The following RETREG3 variants were observed in gnomAD, a reference collection of about 807,000 sequenced individuals.
RETREG3 encodes reticulophagy regulator 3.
Under a neutral mutation model 50.2 loss-of-function variants are expected in RETREG3, and 23 were observed. That is an observed-to-expected ratio of 0.46 (90% CI 0.33 to 0.65). The LOEUF is 0.65. Ranked by LOEUF, RETREG3 falls within the 30% of genes least tolerant of loss-of-function variation. The pLI is 0.02. For synonymous variants in RETREG3, 240 were observed against 234.4 expected, an observed-to-expected ratio of 1.02 and a Z score of -0.22; for missense variants, 546 against 598.0, an observed-to-expected ratio of 0.91 and a Z score of 0.91.
At chr17:42,596,834 T>C (rs762734177) in intron 1 of RETREG3, among the ~76,000 whole-genome samples, 1 of 151,844 alleles carries the variant, frequency 6.6e-6, no homozygotes, top group Non-Finnish European at 1.5e-5. Context: ...CTCTAGTTCT[T>C]TGAGGTGATC....
intron 1 of RETREG3, among the ~76,000 whole-genome samples, chr17:42,602,225 G>A (rs1156500202): frequency 2.0e-5 from 3 of 151,996 alleles, no homozygotes; most frequent in South Asian, 2.1e-4. Context: ...GCTGAGGCAG[G>A]AGAACTGCTT....
At position 42,585,167 on chromosome 17, in the gene RETREG3, T is replaced by G; in HGVS notation, c.685A>C (p.Ser229Arg). ...LKPALQRLDF[S>R]VRGYMMSKQR... ...TTGGACATCATGTAGCCACGGACAC[T>G]GAAGTCTAGCCGCTGCAGAGCTGGC... The change falls in exon 6 of 9, where the codon AGT becomes CGT. Residue 229 changes from serine (S) to arginine (R), a missense_variant. Ser to Arg is a moderately radical substitution (Grantham distance 110, BLOSUM62 -1). Coordinates refer to ENST00000309428, the MANE Select transcript of RETREG3 (RefSeq NM_178126.4). 1 of 1,613,744 alleles carries G rather than the reference T, an allele frequency of 6.2e-7. No homozygotes were observed. Among genetic ancestry groups the G allele is most frequent in the South Asian group, 1.1e-5 (1 of 91,080 alleles).
chr17:42,586,719 T>C lies in RETREG3; in HGVS notation c.504+46A>G, dbSNP rs370805346. On this transcript the variant is annotated intron_variant, in intron 4 of 8. Coordinates refer to ENST00000309428, the MANE Select transcript of RETREG3 (RefSeq NM_178126.4). ...GGAGCTGTTTCAGTTTAGCATGAAC[T>C]GAACTGAGAGGCCAGAGATGAAAGT... is the stretch of plus-strand genomic sequence containing the variant. 2.5e-6 allele frequency: 4 copies of C among 1,602,370 alleles called. No individual in the cohort carries two copies. The South Asian group carries it at 4.5e-5, about 18-fold the overall frequency.
At chr17:42,591,008 C>G (rs561261765) in intron 2 of RETREG3, among the ~76,000 whole-genome samples, 1 of 152,170 alleles carries the variant, frequency 6.6e-6, no homozygotes, top group Admixed American at 6.6e-5. Flanking sequence ...AAACCTAATC[C>G]CAACATACTT....
chr17:42,587,828 C>T lies in RETREG3; in HGVS notation c.377+6G>A, dbSNP rs2093124184. 6.2e-7 allele frequency: 1 copy of T among 1,614,074 alleles called. No individual in the cohort carries two copies. The highest frequency in any genetic ancestry group is 8.5e-7 in the Non-Finnish European group (1 of 1,179,984). The stretch of plus-strand genomic sequence containing the variant: ...AACAAAAAGGGATTTAATTAGTGTT[C>T]CATACCTCTCATTGTCTAATGCGTC... On this transcript the variant is annotated splice_donor_region_variant and intron_variant, in intron 3 of 8. Coordinates refer to ENST00000309428, the MANE Select transcript of RETREG3 (RefSeq NM_178126.4).
Position 42,581,866 on chromosome 17 carries a change from G to A in RETREG3, c.1348C>T (p.Leu450=). 1 of 1,612,364 alleles carries A rather than the reference G, an allele frequency of 6.2e-7. No homozygotes were observed. ...TDAEGDDFEL[L]DQSELSQLDP... is the part of the protein sequence containing the mutation. ...AGCTGACTCAGCTCCGACTGGTCCA[G>A]AAGTTCAAAGTCATCCCCCTCAGCA... The change falls in exon 9 of 9, where the codon CTG becomes TTG. Residue 450 remains leucine, a synonymous_variant. Transcript: ENST00000309428.
chr17:42,587,922 GT>G, intron 2 of RETREG3, 58 bp from the exon 3 acceptor site: 2 of 1,601,074 alleles, frequency 1.2e-6, no homozygotes, highest in South Asian at 1.1e-5. Flanking sequence ...ACATGAAAAT[GT>G]TAGGCTGTTG....
At chr17:42,594,477 C>A (rs2093139692) in intron 1 of RETREG3, among the ~76,000 whole-genome samples, 1 of 151,740 alleles carries the variant, frequency 6.6e-6, no homozygotes, top group African/African-American at 2.4e-5. Flanking sequence ...TCGCCTGAAC[C>A]TGGGAGGTGG....
intron 2 of RETREG3, 83 bp from the exon 3 acceptor site, chr17:42,587,947 A>G: frequency 6.7e-7 from 1 of 1,485,234 alleles, no homozygotes; most frequent in South Asian, 1.1e-5. Flanking sequence ...TGACAGCTCA[A>G]GTTTTAATAG....
At chr17:42,587,026 C>T (rs913172864) in intron 3 of RETREG3, 135 bp from the exon 4 acceptor site, 2 of 1,207,596 alleles carry the variant, frequency 1.7e-6, no homozygotes. Flanking sequence ...GGAGGTGAAG[C>T]ATGACTTTCT....
intron 1 of RETREG3, among the ~76,000 whole-genome samples, chr17:42,605,623 T>C (rs1218919466): frequency 6.6e-6 from 1 of 152,216 alleles, no homozygotes; most frequent in Non-Finnish European, 1.5e-5. Flanking sequence ...TTCTGGGGAC[T>C]TAACAGTATC....
chr17:42,608,876 G>C (rs1394546646), intron 1 of RETREG3: 1 of 575,602 alleles, frequency 1.7e-6, no homozygotes, highest in East Asian at 3.0e-5. Context: ...TGCGGGCACA[G>C]GTAAGGCAGA....
chr17:42,585,010 C>T, intron 6 of RETREG3, 115 bp downstream of exon 6: 1 of 1,327,692 alleles, frequency 7.5e-7, no homozygotes, highest in Non-Finnish European at 1.0e-6. Flanking sequence ...ATCCTCACCC[C>T]CACCAACTAC....
chr17:42,581,735 T>C lies in RETREG3; in HGVS notation c.*78A>G. On this transcript the variant is annotated 3_prime_UTR_variant, in exon 9 of 9. Transcript: ENST00000309428. ...AATTCAGGGGAGGGGAGCTGAGTTC[T>C]TCCCTTGCCCCATCACCTTAAGTGG... The C allele has an allele frequency of 1.5e-6, 2 of 1,341,706 alleles. No individual in the cohort carries two copies. The highest frequency in any genetic ancestry group is 2.0e-6 in the Non-Finnish European group (2 of 994,456). 83.1% of individuals were successfully genotyped at this position (1,341,706 alleles called of 1,614,324 possible).
At chr17:42,592,987 A>AAAAT (rs955514481) in intron 1 of RETREG3, among the ~76,000 whole-genome samples, 6 of 152,098 alleles carry the variant, frequency 3.9e-5, no homozygotes, top group Non-Finnish European at 7.4e-5. Flanking sequence ...ACTCTGTCTC[A>AAAAT]AAATAAATAA....
intron 2 of RETREG3, among the ~76,000 whole-genome samples, chr17:42,590,714 C>G (rs1231100875): frequency 6.6e-6 from 1 of 152,144 alleles, no homozygotes; most frequent in Non-Finnish European, 1.5e-5. Flanking sequence ...CGCCTGTAAT[C>G]CCAGCACTTT....
At chr17:42,584,855 G>C (rs540131993) in intron 6 of RETREG3, among the ~76,000 whole-genome samples, 2 of 148,512 alleles carry the variant, frequency 1.3e-5, no homozygotes, top group East Asian at 3.9e-4. Flanking sequence ...CAAATACTAG[G>C]AATTTATCTT....
intron 1 of RETREG3, among the ~76,000 whole-genome samples, chr17:42,594,373 T>C (rs940814339): frequency 6.6e-6 from 1 of 152,078 alleles, no homozygotes; most frequent in Non-Finnish European, 1.5e-5. Context: ...CTGGACAACA[T>C]GGCGAAACCC....
At chr17:42,585,526 T>C (rs1202284058) in intron 5 of RETREG3, among the ~76,000 whole-genome samples, 2 of 152,148 alleles carry the variant, frequency 1.3e-5, no homozygotes, top group African/African-American at 4.8e-5. Context: ...AACCTGGCAA[T>C]GGGTGTCACT....
Sources: gnomAD v4.1 joint callset for allele counts (sites outside exome capture counted in the v4.1 genomes callset) on GRCh38, gnomAD v4.1.1 for gene constraint, MANE v1.5 for transcripts, NCBI Gene and HGNC (gene_info 2026-07-23, HGNC 2026-07-21) for gene names.